The following RPTOR variants were observed in gnomAD, a reference collection of about 807,000 sequenced individuals.
RPTOR encodes regulatory-associated protein of mTOR.
Under a neutral mutation model 169.9 loss-of-function variants are expected in RPTOR, and 21 were observed. The ratio of observed to expected loss-of-function variants is 0.12; its 90% CI spans 0.09 to 0.18. The LOEUF is 0.18. Ranked by LOEUF, RPTOR falls within the 10% of genes least tolerant of loss-of-function variation. The pLI, the probability that RPTOR is intolerant of heterozygous loss-of-function variation, is 1.00. For missense variants in RPTOR, 1,133 were observed against 1,855.9 expected, an observed-to-expected ratio of 0.61 and a Z score of 7.16; for synonymous variants, 732 against 753.2, an observed-to-expected ratio of 0.97 and a Z score of 0.46.
chr17:80,557,560 G>A (rs9897599), intron 1 of RPTOR, among the ~76,000 whole-genome samples: 146,208 of 152,062 alleles, frequency 0.96, 70,278 homozygotes, highest in East Asian at 1. Context: ...ACAAAAATAA[G>A]GAGGTATTTT....
At chr17:80,832,592 C>G (rs1051438818) in intron 9 of RPTOR, among the ~76,000 whole-genome samples, 2 of 152,148 alleles carry the variant, frequency 1.3e-5, no homozygotes, top group Admixed American at 6.5e-5. Flanking sequence ...GAACATTCGG[C>G]TCAGAAACAG....
Position 80,880,508 on chromosome 17 carries a change from G to T in RPTOR, c.1584+19G>T, listed in dbSNP as rs779575537. 7 of 1,611,688 alleles carry T rather than the reference G, an allele frequency of 4.3e-6. No homozygotes were observed. The East Asian group carries it at 1.6e-4, about 36-fold the overall frequency. On this transcript the variant is annotated intron_variant, in intron 14 of 33. Coordinates refer to ENST00000306801, the MANE Select transcript of RPTOR (RefSeq NM_020761.3). ...CATGCCAGTAAGGACGGGGCAGCACGCTCTCCACGGGCTTGGGACTCAGCA... is the reference window on the plus strand; with the variant it reads ...CATGCCAGTAAGGACGGGGCAGCACTCTCTCCACGGGCTTGGGACTCAGCA...
At chr17:80,556,372 A>G (rs1014838556) in intron 1 of RPTOR, among the ~76,000 whole-genome samples, 1 of 152,148 alleles carries the variant, frequency 6.6e-6, no homozygotes, top group Admixed American at 6.5e-5. Context: ...TAAGCCGGAC[A>G]TGGTGGTGCG....
chr17:80,552,441 C>A (rs1438025867), intron 1 of RPTOR, among the ~76,000 whole-genome samples: 1 of 152,184 alleles, frequency 6.6e-6, no homozygotes, highest in Non-Finnish European at 1.5e-5. Context: ...AAGCAGCCAC[C>A]CTGTCACTCA....
chr17:80,905,354 A>G (rs2068527261), intron 20 of RPTOR, among the ~76,000 whole-genome samples: 1 of 151,914 alleles, frequency 6.6e-6, no homozygotes. Flanking sequence ...TGGGAGGCCA[A>G]GGCAGGTGGA....
intron 1 of RPTOR, among the ~76,000 whole-genome samples, chr17:80,612,213 T>A (rs752265589): frequency 6.6e-6 from 1 of 152,188 alleles, no homozygotes; most frequent in Non-Finnish European, 1.5e-5. Context: ...CACTGTAACC[T>A]CTAACTCTTG....
intron 5 of RPTOR, among the ~76,000 whole-genome samples, chr17:80,747,675 G>A (rs1408515859): frequency 6.6e-6 from 1 of 152,236 alleles, no homozygotes; most frequent in Admixed American, 6.5e-5. Flanking sequence ...CACGGCAGAT[G>A]CAAACCCAGC....
At chr17:80,780,016 G>C (rs1365048662) in intron 6 of RPTOR, among the ~76,000 whole-genome samples, 1 of 152,110 alleles carries the variant, frequency 6.6e-6, no homozygotes, top group African/African-American at 2.4e-5. Context: ...CTCATCTGCT[G>C]TGGGAAACTC....
chr17:80,889,094 G>A (rs1031275107), intron 17 of RPTOR, among the ~76,000 whole-genome samples: 9 of 152,214 alleles, frequency 5.9e-5, no homozygotes, highest in African/African-American at 1.7e-4. Flanking sequence ...GGGGCCGCTC[G>A]CCCAGCTGCA....
At chr17:80,907,951 C>T (rs9895164) in intron 20 of RPTOR, among the ~76,000 whole-genome samples, 1,833 of 152,304 alleles carry the variant, frequency 0.012, 35 homozygotes, top group African/African-American at 0.042. Context: ...TGAGGCCGCA[C>T]GCTGTCGTGG....
chr17:80,667,370 G>A (rs1379479895), intron 3 of RPTOR, among the ~76,000 whole-genome samples: 1 of 152,172 alleles, frequency 6.6e-6, no homozygotes, highest in South Asian at 2.1e-4. Flanking sequence ...CAGAGGAGCA[G>A]GCTGGACTCT....
At chr17:80,774,924 G>T (rs2066879076) in intron 6 of RPTOR, among the ~76,000 whole-genome samples, 1 of 152,212 alleles carries the variant, frequency 6.6e-6, no homozygotes, top group South Asian at 2.1e-4. Context: ...TTGCTTATAT[G>T]CAGCTTTCCT....
chr17:80,692,207 G>T (rs994943441), intron 3 of RPTOR, among the ~76,000 whole-genome samples: 2 of 151,938 alleles, frequency 1.3e-5, no homozygotes, highest in African/African-American at 4.8e-5. Flanking sequence ...AACCTCCTGG[G>T]CTCAAGCCAT....
chr17:80,566,892 C>T (rs1340894944), intron 1 of RPTOR, among the ~76,000 whole-genome samples: 3 of 148,740 alleles, frequency 2.0e-5, no homozygotes, highest in African/African-American at 7.5e-5. Flanking sequence ...AAAACTTCTG[C>T]ATGATTATTT....
chr17:80,866,100 A>T lies in RPTOR; in HGVS notation c.1509+8200A>T, dbSNP rs571597951. Among the ~76,000 whole-genome samples, 14 of 150,836 alleles carry T rather than the reference A, an allele frequency of 9.3e-5. No individual in the cohort carries two copies. The East Asian group carries it at 2.7e-3, about 29-fold the overall frequency. On this transcript the variant is annotated intron_variant, in intron 13 of 33. Transcript: ENST00000306801. ...AATGCAAAATAGAATATAAATATGT[A>T]ATATTAAGATACATAGATATTATAA...
chr17:80,789,054 C>G (rs2067021633), intron 6 of RPTOR, among the ~76,000 whole-genome samples: 1 of 152,220 alleles, frequency 6.6e-6, no homozygotes, highest in African/African-American at 2.4e-5. Flanking sequence ...AATAAAGTTG[C>G]ATGATATTCC....
intron 6 of RPTOR, 123 bp from the exon 7 acceptor site, chr17:80,791,327 T>C: frequency 1.4e-6 from 1 of 704,950 alleles, no homozygotes; most frequent in Non-Finnish European, 2.3e-6. Context: ...GAAATCTGAG[T>C]GTACTTGTTC....
chr17:80,665,386 TCC>T (rs1567846032), intron 3 of RPTOR, among the ~76,000 whole-genome samples: 685 of 7,062 alleles, frequency 0.097, 28 homozygotes, highest in East Asian at 0.26. Context: ...TCCTTTCCTT[TCC>T]TTTCCTTTCC....
intron 2 of RPTOR, among the ~76,000 whole-genome samples, chr17:80,628,203 T>C (rs780757205): frequency 2.0e-5 from 3 of 152,262 alleles, no homozygotes; most frequent in Non-Finnish European, 4.4e-5. Flanking sequence ...TTAAAAATAA[T>C]GAATGTCTTT....
Sources: allele counts gnomAD v4.1 joint callset (sites outside exome capture counted in the v4.1 genomes callset), GRCh38; gene constraint gnomAD v4.1.1; transcripts MANE v1.5; gene names NCBI Gene and HGNC (gene_info 2026-07-23, HGNC 2026-07-21).